The following XRCC6 variants were observed in gnomAD, a reference collection of about 807,000 sequenced individuals.
The protein encoded by XRCC6 is DNA repair protein Ku70.
Under a neutral mutation model 65.7 loss-of-function variants are expected in XRCC6, and 5 were observed. That is an observed-to-expected ratio of 0.08 (90% confidence interval 0.04 to 0.16). The LOEUF (loss-of-function observed/expected upper bound fraction) is 0.16. XRCC6 is among the 10% of genes least tolerant of loss of function. XRCC6 has a pLI of 1.00. For synonymous variants in XRCC6, 270 were observed against 270.6 expected (o/e 1.00, Z 0.02); for missense variants, 447 against 738.1 (o/e 0.61, Z 4.57).
At chr22:41,655,172 T>C (rs540823265) in intron 9 of XRCC6, among the ~76,000 whole-genome samples, 1 of 152,186 alleles carries the variant, frequency 6.6e-6, no homozygotes, top group South Asian at 2.1e-4. Flanking sequence ...GCAGTTTGGA[T>C]ATACTAAAGA....
intron 2 of XRCC6, among the ~76,000 whole-genome samples, chr22:41,624,771 G>A (rs2067650744): frequency 6.6e-6 from 1 of 151,758 alleles, no homozygotes. Context: ...GCCGAGGCGG[G>A]TGGCTCACGA....
rs1601562182 is a variant in XRCC6 at position 41,663,871 on chromosome 22, G to A, written c.*56G>A. The A allele has an allele frequency of 3.8e-6, 6 of 1,561,068 alleles. No homozygotes were observed. The East Asian group carries it at 1.4e-4, about 35-fold the overall frequency. ...CAGTGTGGCCAGGCTGCCTGGCCTT[G>A]TCCTCAGCCAGTTAAAATGTGTTTC... On this transcript the variant is annotated 3_prime_UTR_variant, in exon 13 of 13. Transcript: ENST00000360079.
At chr22:41,632,236 G>T (rs1172231565) in intron 3 of XRCC6, among the ~76,000 whole-genome samples, 1 of 152,216 alleles carries the variant, frequency 6.6e-6, no homozygotes, top group East Asian at 1.9e-4. Flanking sequence ...AATTTTCACA[G>T]ATTTATTATA....
intron 11 of XRCC6, 31 bp downstream of exon 11, chr22:41,658,383 A>G: frequency 1.9e-6 from 3 of 1,603,618 alleles, no homozygotes; most frequent in Non-Finnish European, 2.6e-6. Flanking sequence ...AGTTCTTTTC[A>G]TGGGAGGCTT....
chr22:41,637,078 A>ATTT (rs35433922), intron 5 of XRCC6, among the ~76,000 whole-genome samples: 6 of 88,696 alleles, frequency 6.8e-5, no homozygotes, highest in African/African-American at 1.7e-4. Context: ...GATTGTCTTG[A>ATTT]TTTTTTTTTT....
chr22:41,642,380 A>G (rs2067888308), intron 6 of XRCC6, among the ~76,000 whole-genome samples: 1 of 152,194 alleles, frequency 6.6e-6, no homozygotes, highest in East Asian at 1.9e-4. Flanking sequence ...ATCCCTTGTC[A>G]GATGGATAGT....
chr22:41,638,060 C>A (rs897897796), intron 6 of XRCC6, among the ~76,000 whole-genome samples: 2 of 151,654 alleles, frequency 1.3e-5, no homozygotes, highest in Non-Finnish European at 2.9e-5. Context: ...CTACTTAACT[C>A]GACTATGCCA....
chr22:41,656,190 C>T (rs116890580), intron 9 of XRCC6, among the ~76,000 whole-genome samples: 2 of 145,048 alleles, frequency 1.4e-5, no homozygotes, highest in East Asian at 4.2e-4. Context: ...TGCATTCCAG[C>T]CTGGGTGATA....
intron 6 of XRCC6, among the ~76,000 whole-genome samples, chr22:41,640,442 C>T (rs983971416): frequency 6.6e-6 from 1 of 152,226 alleles, no homozygotes; most frequent in South Asian, 2.1e-4. Context: ...AGCCACCACA[C>T]CCTGCCCCAA....
chr22:41,645,646 T>C (rs1461374877), intron 6 of XRCC6, among the ~76,000 whole-genome samples: 3 of 148,860 alleles, frequency 2.0e-5, no homozygotes, highest in Non-Finnish European at 4.4e-5. Context: ...GGGTGTTTTT[T>C]TGTTTTGTTT....
intron 6 of XRCC6, among the ~76,000 whole-genome samples, chr22:41,641,266 CAA>C (rs1406913765): frequency 6.6e-6 from 1 of 151,652 alleles, no homozygotes; most frequent in Non-Finnish European, 1.5e-5. Flanking sequence ...TGAGAACTAA[CAA>C]TGCCTTAGGG....
chr22:41,624,509 AC>A (rs2067647057), intron 2 of XRCC6, among the ~76,000 whole-genome samples: 1 of 150,496 alleles, frequency 6.6e-6, no homozygotes, highest in Non-Finnish European at 1.5e-5. Flanking sequence ...ACATGGTGAA[AC>A]CCCGTCTCTA....
intron 2 of XRCC6, among the ~76,000 whole-genome samples, chr22:41,625,893 GCAGTGACTAATC>G (rs1367373880): frequency 1.3e-5 from 2 of 152,204 alleles, no homozygotes; most frequent in Admixed American, 1.3e-4. Flanking sequence ...AGGCTGGAGT[GCAGTGACTAATC>G]TCGGCTCGCT....
At chr22:41,629,517 G>A (rs2067716409) in intron 3 of XRCC6, among the ~76,000 whole-genome samples, 1 of 152,190 alleles carries the variant, frequency 6.6e-6, no homozygotes, top group Non-Finnish European at 1.5e-5. Flanking sequence ...GCAGAGGGGT[G>A]GTTGGTTACC....
intron 7 of XRCC6, chr22:41,648,076 T>C (rs1233246712): frequency 2.5e-5 from 3 of 122,108 alleles, no homozygotes; most frequent in Non-Finnish European, 5.1e-5. Context: ...CCTCCTCTCT[T>C]CTGTTTCTTT....
At chr22:41,641,336 G>A (rs2067873722) in intron 6 of XRCC6, among the ~76,000 whole-genome samples, 1 of 152,060 alleles carries the variant, frequency 6.6e-6, no homozygotes, top group Non-Finnish European at 1.5e-5. Flanking sequence ...ATTTTTGTGG[G>A]TACATGGTAG....
intron 3 of XRCC6, among the ~76,000 whole-genome samples, chr22:41,631,272 C>A (rs1429048291): frequency 6.6e-6 from 1 of 151,326 alleles, no homozygotes; most frequent in Non-Finnish European, 1.5e-5. Context: ...TGGGGCTGAC[C>A]CCCCACCTCC....
At position 41,647,209 on chromosome 22, in the gene XRCC6, C is replaced by T; in HGVS notation, c.960+127C>T. The T allele has an allele frequency of 6.9e-6, 6 of 874,050 alleles. 1 individual carries two copies. The highest frequency in any genetic ancestry group is 3.2e-4 in the Middle Eastern group (1 of 3,088). The allele number at this position is 874,050 out of a possible 1,614,324, so 54.1% of individuals were successfully genotyped here. ...GACCTCCTGGACTCAAGCGATCCTT[C>T]TGTCTCAGCCTCCCAAGTAGCTGGG... On this transcript the variant is annotated intron_variant, in intron 7 of 12. Coordinates refer to ENST00000360079, the MANE Select transcript of XRCC6 (RefSeq NM_001469.5).
intron 7 of XRCC6, among the ~76,000 whole-genome samples, chr22:41,647,724 T>C (rs2067948743): frequency 6.6e-6 from 1 of 152,032 alleles, no homozygotes; most frequent in Non-Finnish European, 1.5e-5. Context: ...GCCCAGCGTT[T>C]TTTTGTTTCG....
Sources: gnomAD v4.1 joint callset for allele counts (sites outside exome capture counted in the v4.1 genomes callset) on GRCh38, gnomAD v4.1.1 for gene constraint, MANE v1.5 for transcripts, NCBI Gene and HGNC (gene_info 2026-07-23, HGNC 2026-07-21) for gene names.